MGAT5B: variants seen among roughly 807,000 people sequenced by gnomAD.
MGAT5B encodes the protein N-acetylglucosaminyl-transferase Vb.
In MGAT5B, 54 loss-of-function variants were observed where a neutral mutation model predicts 95.1. That is an observed-to-expected ratio of 0.57 (90% confidence interval 0.46 to 0.71). The LOEUF (loss-of-function observed/expected upper bound fraction) is 0.71, where lower values mean the gene tolerates loss of function less well. MGAT5B is among the 30% of genes least tolerant of loss of function. MGAT5B has a pLI of 0.00. For missense variants in MGAT5B, 935 were observed against 1,088.6 expected (o/e 0.86, Z 1.99); for synonymous variants, 464 against 451.0 (o/e 1.03, Z -0.36).
chr17:76,921,364 A>C, intron 8 of MGAT5B, among the ~76,000 whole-genome samples: 1 of 152,112 alleles, frequency 6.6e-6, no homozygotes, highest in Non-Finnish European at 1.5e-5. Context: ...ATCCGTTAAT[A>C]TTCCTCCCTT....
rs1435436522 is a variant in MGAT5B at position 76,915,455 on chromosome 17, T to C, written c.1025+9268T>C. Among the ~76,000 whole-genome samples, 1 of 152,066 alleles carries C rather than the reference T, an allele frequency of 6.6e-6. No individual in the cohort carries two copies. Among genetic ancestry groups the C allele is most frequent in the Non-Finnish European group, 1.5e-5 (1 of 68,012 alleles). ...GGAGGCAGCGGGAGACGCGAGGAAGTGGACAAGACCGAAAAACAACCCTCG... is the reference window on the plus strand; with the variant it reads ...GGAGGCAGCGGGAGACGCGAGGAAGCGGACAAGACCGAAAAACAACCCTCG... On this transcript the variant is annotated intron_variant, in intron 8 of 17. Transcript: ENST00000569840. The surrounding 1 kb of genome is among the most constrained non-coding windows in gnomAD (Gnocchi z 8.7).
chr17:76,931,732 A>T (rs1969481776), intron 10 of MGAT5B, among the ~76,000 whole-genome samples: 1 of 152,184 alleles, frequency 6.6e-6, no homozygotes, highest in African/African-American at 2.4e-5. Context: ...CAAGAGAGCC[A>T]CAGGAATGAG....
In MGAT5B at chr17:76,919,065, G is replaced by A. The variant is rs138511116; in HGVS notation, c.1026-5901G>A. ...CACATGTGGAGGCGGACACCAGAGCGATGTGGTGGCTCGTGGAAGGCTACC... is the reference window on the plus strand; with the variant it reads ...CACATGTGGAGGCGGACACCAGAGCAATGTGGTGGCTCGTGGAAGGCTACC... On this transcript the variant is annotated intron_variant, in intron 8 of 17. Transcript: ENST00000569840. Among the ~76,000 whole-genome samples, 499 of 152,360 alleles carry A rather than the reference G, an allele frequency of 3.3e-3. 6 individuals are homozygous for A. The highest frequency in any genetic ancestry group is 0.011 in the African/African-American group (457 of 41,586).
intron 12 of MGAT5B, among the ~76,000 whole-genome samples, chr17:76,934,019 A>G (rs571560971): frequency 3.9e-5 from 6 of 152,326 alleles, no homozygotes; most frequent in Admixed American, 3.9e-4. Flanking sequence ...CCACAGGGCC[A>G]TGCCCACTTC....
chr17:76,913,833 G>T, intron 8 of MGAT5B: 1 of 456,270 alleles, frequency 2.2e-6, no homozygotes, highest in South Asian at 1.6e-5. Flanking sequence ...ACATGAGGCT[G>T]GGTGGGGCGG....
intron 4 of MGAT5B, 55 bp downstream of exon 4, chr17:76,902,725 TGCTGGGTGGGCCCTGGGA>T: frequency 1.1e-6 from 1 of 894,090 alleles, no homozygotes; most frequent in Non-Finnish European, 1.7e-6. Flanking sequence ...ATGAACTGGG[TGCTGGGTGGGCCCTGGGA>T]GGGTGGGACA....
At chr17:76,875,653 C>CTTTTTTTTTTTTT (rs547158669) in intron 2 of MGAT5B, among the ~76,000 whole-genome samples, 2 of 67,098 alleles carry the variant, frequency 3.0e-5, no homozygotes, top group Non-Finnish European at 2.6e-5. Flanking sequence ...GTCACTTGCA[C>CTTTTTTTTTTTTT]TTTTTTTTTT....
intron 3 of MGAT5B, among the ~76,000 whole-genome samples, chr17:76,886,168 AC>A (rs1411514192): frequency 6.6e-6 from 1 of 152,206 alleles, no homozygotes; most frequent in Non-Finnish European, 1.5e-5. Flanking sequence ...CCATAAAACC[AC>A]CGAAATTTGA....
intron 13 of MGAT5B, among the ~76,000 whole-genome samples, chr17:76,939,594 G>T (rs995453403): frequency 6.6e-5 from 10 of 152,074 alleles, no homozygotes; most frequent in African/African-American, 2.4e-4. Context: ...TAATGCTGAG[G>T]TTTGTGATAT....
chr17:76,918,752 G>A lies in MGAT5B; in HGVS notation c.1026-6214G>A, dbSNP rs1006463156. On this transcript the variant is annotated intron_variant, in intron 8 of 17. Coordinates refer to ENST00000569840, the MANE Select transcript of MGAT5B (RefSeq NM_001199172.2). This position sits in a 1 kb window ranked among gnomAD's most constrained non-coding sequence, Gnocchi z 5.1. ...TTTCAGGGCCCTGGGGAGACAGAAC[G>A]TCCCAGGCTGCCCCAGCTGTGTGTT... Among the ~76,000 whole-genome samples, 2 of 152,270 alleles carry A rather than the reference G, an allele frequency of 1.3e-5. No homozygotes were observed. The highest frequency in any genetic ancestry group is 1.9e-4 in the East Asian group (1 of 5,182).
intron 1 of MGAT5B, 196 bp from the exon 2 acceptor site, chr17:76,872,655 C>T (rs1967048999): frequency 2.0e-6 from 3 of 1,477,542 alleles, no homozygotes; most frequent in Admixed American, 4.8e-5. Flanking sequence ...AGGCCAGCAT[C>T]TTGTAGTTGA....
chr17:76,893,009 G>A (rs1181206358), intron 3 of MGAT5B, among the ~76,000 whole-genome samples: 3 of 152,144 alleles, frequency 2.0e-5, no homozygotes, highest in African/African-American at 7.2e-5. Context: ...CAGGTCCAGG[G>A]CAGGCCTTTC....
rs1968547842 is a variant in MGAT5B at position 76,906,840 on chromosome 17, C to G, written c.1025+653C>G. 6.6e-6 allele frequency among the ~76,000 whole-genome samples: 1 copy of G among 151,952 alleles called. No individual in the cohort carries two copies. Among genetic ancestry groups the G allele is most frequent in the Non-Finnish European group, 1.5e-5 (1 of 67,984 alleles). On this transcript the variant is annotated intron_variant, in intron 8 of 17. Coordinates refer to ENST00000569840, the MANE Select transcript of MGAT5B (RefSeq NM_001199172.2). The surrounding 1 kb of genome is among the most constrained non-coding windows in gnomAD (Gnocchi z 4.6). ...ATGTAGGAATACAGGAGATTCTTCT[C>G]TTTATTAATATTTATTGTAAGATAT...
At chr17:76,910,232 G>T (rs529020868) in intron 8 of MGAT5B, among the ~76,000 whole-genome samples, 1 of 152,184 alleles carries the variant, frequency 6.6e-6, no homozygotes, top group African/African-American at 2.4e-5. Flanking sequence ...AAGAGACAAG[G>T]TGTGGGGCCC....
At position 76,914,772 on chromosome 17, in the gene MGAT5B, G is replaced by A. The variant is rs1968868151; in HGVS notation, c.1025+8585G>A. On this transcript the variant is annotated intron_variant, in intron 8 of 17. Coordinates refer to ENST00000569840, the MANE Select transcript of MGAT5B (RefSeq NM_001199172.2). This position sits in a 1 kb window ranked among gnomAD's most constrained non-coding sequence, Gnocchi z 5.1. ...CCTGCCTCAGCCTCCCGAGTAGCTG[G>A]GACTACAGGAATGTGCCACCATGCC... 6.6e-6 allele frequency among the ~76,000 whole-genome samples: 1 copy of A among 152,118 alleles called. No individual in the cohort carries two copies. Among genetic ancestry groups the A allele is most frequent in the Non-Finnish European group, 1.5e-5 (1 of 68,026 alleles).
intron 3 of MGAT5B, among the ~76,000 whole-genome samples, 181 bp from the exon 4 acceptor site, chr17:76,902,374 C>T (rs958110710): frequency 2.0e-5 from 3 of 152,290 alleles, no homozygotes; most frequent in Admixed American, 2.0e-4. Flanking sequence ...ATGGGGTGGG[C>T]TGCCAGCTCC....
intron 10 of MGAT5B, 93 bp downstream of exon 10, chr17:76,926,823 C>T: frequency 6.8e-7 from 1 of 1,462,508 alleles, no homozygotes; most frequent in Non-Finnish European, 9.4e-7. Flanking sequence ...GCTCCTCCCT[C>T]TCTTTCCTTC....
At chr17:76,880,284 G>A (rs1967361415) in intron 2 of MGAT5B, among the ~76,000 whole-genome samples, 1 of 152,100 alleles carries the variant, frequency 6.6e-6, no homozygotes, top group Non-Finnish European at 1.5e-5. Flanking sequence ...TGCAGCCCTA[G>A]CCTGGCCGGC....
chr17:76,886,263 G>A (rs1481372460), intron 3 of MGAT5B, among the ~76,000 whole-genome samples: 1 of 152,188 alleles, frequency 6.6e-6, no homozygotes, highest in African/African-American at 2.4e-5. Context: ...GAGAGCAGGT[G>A]GAGGGGACAC....
Sources: allele counts gnomAD v4.1 joint callset (sites outside exome capture counted in the v4.1 genomes callset), GRCh38; gene constraint gnomAD v4.1.1; non-coding constraint Gnocchi (gnomAD v3.1); transcripts MANE v1.5; gene names NCBI Gene and HGNC (gene_info 2026-07-23, HGNC 2026-07-21).